Variants in MCC observed in about 807,000 individuals in gnomAD.
MCC encodes colorectal mutant cancer protein.
In MCC, 90 loss-of-function variants were observed where a neutral mutation model predicts 116.2. The observed-to-expected ratio is 0.77, with a 90% CI of 0.65 to 0.92. MCC has a LOEUF of 0.92. Ranked by LOEUF, MCC falls within the 40% of genes least tolerant of loss-of-function variation. The pLI is 0.00. For missense variants in MCC, 1,516 were observed against 1,312.2 expected (o/e 1.16, Z -2.40); for synonymous variants, 578 against 510.5 (o/e 1.13, Z -1.78).
chr5:113,283,550 T>C (rs1269517718), intron 3 of MCC, among the ~76,000 whole-genome samples: 2 of 152,196 alleles, frequency 1.3e-5, no homozygotes, highest in African/African-American at 2.4e-5. Context: ...GAACAAGTGT[T>C]ATCAAGGATG....
chr5:113,180,081 C>T (rs1056285832), intron 3 of MCC, among the ~76,000 whole-genome samples: 1 of 152,292 alleles, frequency 6.6e-6, no homozygotes, highest in East Asian at 1.9e-4. Context: ...AGTGGCCCGA[C>T]AGCCTCCTCC....
At chr5:113,443,991 T>TTGTGTGAGTGTGTGTGTG (rs1771128905) in intron 1 of MCC, among the ~76,000 whole-genome samples, 1 of 143,986 alleles carries the variant, frequency 6.9e-6, no homozygotes, top group African/African-American at 2.6e-5. Context: ...CTCGGCTAAT[T>TTGTGTGAGTGTGTGTGTG]TGTGTGTGTG....
At chr5:113,166,724 A>AC (rs1760793626) in intron 3 of MCC, among the ~76,000 whole-genome samples, 1 of 106,294 alleles carries the variant, frequency 9.4e-6, no homozygotes, top group South Asian at 3.1e-4. Flanking sequence ...AAAAAAAAAC[A>AC]ACCAAAAAAC....
chr5:113,227,483 T>A (rs1379415826), intron 3 of MCC, among the ~76,000 whole-genome samples: 2 of 152,230 alleles, frequency 1.3e-5, no homozygotes, highest in African/African-American at 4.8e-5. Context: ...GCCTTCCAGC[T>A]AGAGAACATG....
intron 1 of MCC, among the ~76,000 whole-genome samples, chr5:113,422,459 G>A (rs1036278031): frequency 2.6e-5 from 4 of 152,148 alleles, no homozygotes; most frequent in African/African-American, 9.7e-5. Context: ...TTGACTTTAT[G>A]ATTTAGTTTT....
chr5:113,346,487 G>T (rs1257851260), intron 2 of MCC, among the ~76,000 whole-genome samples: 1 of 152,028 alleles, frequency 6.6e-6, no homozygotes, highest in Non-Finnish European at 1.5e-5. Flanking sequence ...TGTAATCCCA[G>T]CTACTTGGGA....
chr5:113,269,486 AG>A (rs1357174559), intron 3 of MCC, among the ~76,000 whole-genome samples: 2 of 152,208 alleles, frequency 1.3e-5, no homozygotes, highest in African/African-American at 4.8e-5. Flanking sequence ...AAATTGTGGT[AG>A]CCTTCTAAAT....
At chr5:113,152,726 G>A (rs1759954014) in intron 3 of MCC, among the ~76,000 whole-genome samples, 1 of 152,120 alleles carries the variant, frequency 6.6e-6, no homozygotes, top group South Asian at 2.1e-4. Flanking sequence ...AGAGTGTGGG[G>A]TTTCAAAGCA....
In MCC at chr5:113,024,898, A is replaced by T. The variant is rs745882392; in HGVS notation, c.*2404T>A. ...TTATTATACATATTTATAAAAAATT[A>T]ACACTTTTGCCTGCAAAATAGTTTT... On this transcript the variant is annotated 3_prime_UTR_variant, in exon 19 of 19. Coordinates refer to ENST00000408903, the MANE Select transcript of MCC (RefSeq NM_001085377.2). 2.6e-5 allele frequency: 4 copies of T among 152,222 alleles called. No homozygotes were observed. The highest frequency in any genetic ancestry group is 1.3e-4 in the Admixed American group (2 of 15,288). 9.4% of individuals were successfully genotyped at this position (152,222 alleles called of 1,614,324 possible). A position where few individuals can be genotyped will look rare whatever the true frequency, so the allele number is the denominator to read the frequency against.
At chr5:113,087,485 C>T (rs1171093967) in intron 8 of MCC, among the ~76,000 whole-genome samples, 2 of 152,104 alleles carry the variant, frequency 1.3e-5, no homozygotes, top group African/African-American at 4.8e-5. Context: ...CCCTCACAAA[C>T]CAAAAATGGG....
chr5:113,192,575 C>A (rs890625749), intron 3 of MCC, among the ~76,000 whole-genome samples: 1 of 152,164 alleles, frequency 6.6e-6, no homozygotes, highest in Admixed American at 6.5e-5. Flanking sequence ...AGAAAGAATC[C>A]TAGCTCTGAA....
intron 17 of MCC, 133 bp from the exon 18 acceptor site, chr5:113,029,189 T>A: frequency 1.3e-6 from 1 of 764,274 alleles, no homozygotes; most frequent in South Asian, 2.4e-5. Context: ...GAAAAGATAC[T>A]AAAGGGCCCA....
chr5:113,307,303 T>A (rs1465241666), intron 3 of MCC, among the ~76,000 whole-genome samples: 1 of 152,226 alleles, frequency 6.6e-6, no homozygotes, highest in Non-Finnish European at 1.5e-5. Flanking sequence ...TTCGTTTACT[T>A]AAGTTTGCTT....
At chr5:113,433,283 C>A (rs1457786788) in intron 1 of MCC, 5 of 215,284 alleles carry the variant, frequency 2.3e-5, no homozygotes, top group Middle Eastern at 1.6e-3. Context: ...CAACCCCCAA[C>A]CCAGCCTGGT....
At chr5:113,483,168 T>C (rs1772423478) in intron 1 of MCC, among the ~76,000 whole-genome samples, 1 of 152,222 alleles carries the variant, frequency 6.6e-6, no homozygotes, top group South Asian at 2.1e-4. Context: ...TCTTAATTAC[T>C]GTTGCTTTGG....
chr5:113,351,603 A>G (rs1185468599), intron 2 of MCC, among the ~76,000 whole-genome samples: 1 of 152,188 alleles, frequency 6.6e-6, no homozygotes, highest in Non-Finnish European at 1.5e-5. Flanking sequence ...AAAAATAGTT[A>G]GAAAGAATGA....
At chr5:113,446,809 G>A (rs560368060) in intron 1 of MCC, among the ~76,000 whole-genome samples, 1 of 152,112 alleles carries the variant, frequency 6.6e-6, no homozygotes, top group Non-Finnish European at 1.5e-5. Context: ...TGGCAGGGAG[G>A]GAGAGGGCAA....
chr5:113,484,571 G>C (rs1422663192), intron 1 of MCC, among the ~76,000 whole-genome samples: 2 of 152,100 alleles, frequency 1.3e-5, no homozygotes, highest in African/African-American at 4.8e-5. Context: ...AGTTGTAAAG[G>C]GCACTTTGAA....
intron 11 of MCC, among the ~76,000 whole-genome samples, chr5:113,073,632 GA>G (rs982965217): frequency 2.7e-5 from 4 of 150,432 alleles, no homozygotes; most frequent in African/African-American, 4.9e-5. Flanking sequence ...GTGGCCATAA[GA>G]ATATCAGTTC....
Sources: allele counts gnomAD v4.1 joint callset (sites outside exome capture counted in the v4.1 genomes callset), GRCh38; gene constraint gnomAD v4.1.1; transcripts MANE v1.5; gene names NCBI Gene and HGNC (gene_info 2026-07-23, HGNC 2026-07-21).